STRN3: variants seen among roughly 807,000 people sequenced by gnomAD.
STRN3 encodes the protein striatin-3.
A neutral mutation model predicts 95.6 loss-of-function variants in STRN3; 29 were observed. The ratio of observed to expected loss-of-function variants is 0.30; its 90% CI spans 0.23 to 0.41. STRN3 has a LOEUF of 0.41. Among genes scored for constraint, STRN3 ranks in the 10% least tolerant of loss-of-function variants. STRN3 has a pLI of 1.00. For missense variants in STRN3, 890 were observed against 972.1 expected (o/e 0.92, Z 1.12); for synonymous variants, 331 against 357.6 (o/e 0.93, Z 0.84).
At chr14:30,898,594 A>ATGT (rs1896221157) in intron 16 of STRN3, among the ~76,000 whole-genome samples, 1 of 152,184 alleles carries the variant, frequency 6.6e-6, no homozygotes, top group South Asian at 2.1e-4. Flanking sequence ...ACCAAGTTGT[A>ATGT]TGTTGGGCTT....
In STRN3 at chr14:30,911,797, G is replaced by C. The variant is rs1312195739; in HGVS notation, c.1578C>G (p.Ile526Met). Reference sequence around the variant, plus strand: ...CTTACATGTGGGCCCTAAATGTGTAGATAGGCTCTACATCTAAAGAGGCAC... The same window carrying C: ...CTTACATGTGGGCCCTAAATGTGTACATAGGCTCTACATCTAAAGAGGCAC... ...KKSASLDVEPIYTFRAHIGPV... is the reference protein window; with the variant it reads ...KKSASLDVEPMYTFRAHIGPV... Residue 526 changes from isoleucine (I) to methionine (M), a missense_variant, in exon 12 of 18, where the codon ATC (isoleucine) becomes ATG (methionine). Around this residue, in one of 3 missense-constraint regions of STRN3, gnomAD observed 357 missense variants for 422.8 expected, o/e 0.84. Coordinates refer to ENST00000357479, the MANE Select transcript of STRN3 (RefSeq NM_001083893.2). The C allele has an allele frequency of 2.5e-6, 4 of 1,608,942 alleles. No homozygotes were observed. The highest frequency in any genetic ancestry group is 3.4e-6 in the Non-Finnish European group (4 of 1,178,458).
chr14:30,940,348 T>C (rs1879036507), intron 5 of STRN3, among the ~76,000 whole-genome samples: 1 of 152,148 alleles, frequency 6.6e-6, no homozygotes, highest in Non-Finnish European at 1.5e-5. Context: ...AATAGCTTCC[T>C]GAGAAAAAAT....
intron 1 of STRN3, among the ~76,000 whole-genome samples, chr14:30,993,909 CTT>C (rs976172041): frequency 2.0e-5 from 3 of 151,048 alleles, no homozygotes; most frequent in African/African-American, 7.3e-5. Context: ...GAATTTCACT[CTT>C]GTTGCCCAGG....
At chr14:31,003,187 A>C (rs1264815351) in intron 1 of STRN3, among the ~76,000 whole-genome samples, 1 of 150,786 alleles carries the variant, frequency 6.6e-6, no homozygotes, top group East Asian at 1.9e-4. Context: ...GCTTGAACCC[A>C]GGAGGCGGAG....
At chr14:30,950,752 A>G (rs1420899709) in intron 4 of STRN3, 111 bp downstream of exon 4, 10 of 1,014,146 alleles carry the variant, frequency 9.9e-6, no homozygotes, top group Non-Finnish European at 1.4e-5. Context: ...AAGCAGCAAT[A>G]CAAAAAACAT....
At chr14:30,898,466 A>G (rs148768181) in intron 16 of STRN3, among the ~76,000 whole-genome samples, 183 of 152,288 alleles carry the variant, frequency 1.2e-3, no homozygotes, top group African/African-American at 4.3e-3. Context: ...ACTAACCCTC[A>G]CCCTGATTAT....
At chr14:30,974,074 T>C (rs898789690) in intron 1 of STRN3, among the ~76,000 whole-genome samples, 1 of 152,214 alleles carries the variant, frequency 6.6e-6, no homozygotes, top group Non-Finnish European at 1.5e-5. Context: ...ACTTTCACAC[T>C]TCTATTCAAT....
chr14:30,922,347 T>C (rs1896906632), intron 8 of STRN3, among the ~76,000 whole-genome samples: 1 of 152,150 alleles, frequency 6.6e-6, no homozygotes, highest in Non-Finnish European at 1.5e-5. Flanking sequence ...TTTCTACTAC[T>C]ATGAATACAA....
intron 14 of STRN3, 46 bp downstream of exon 14, chr14:30,906,830 AT>A: frequency 1.3e-6 from 2 of 1,569,924 alleles, no homozygotes. Context: ...ATATATTCCA[AT>A]TTTTTAAAAA....
At chr14:31,011,024 G>A (rs1338717220) in intron 1 of STRN3, among the ~76,000 whole-genome samples, 1 of 152,188 alleles carries the variant, frequency 6.6e-6, no homozygotes, top group Non-Finnish European at 1.5e-5. Flanking sequence ...GGGTGACAGA[G>A]CAACACTCTG....
intron 7 of STRN3, among the ~76,000 whole-genome samples, chr14:30,932,882 G>A (rs556230520): frequency 6.6e-6 from 1 of 152,040 alleles, no homozygotes; most frequent in Non-Finnish European, 1.5e-5. Flanking sequence ...AAGTTATTTC[G>A]ATCATTTTCT....
intron 1 of STRN3, among the ~76,000 whole-genome samples, chr14:30,961,188 A>C (rs935708228): frequency 1.3e-5 from 2 of 152,338 alleles, no homozygotes; most frequent in Non-Finnish European, 2.9e-5. Context: ...ATGTTTTTTA[A>C]AGTACCATAA....
At chr14:30,982,562 G>A (rs1042897474) in intron 1 of STRN3, among the ~76,000 whole-genome samples, 9 of 152,138 alleles carry the variant, frequency 5.9e-5, no homozygotes, top group South Asian at 2.1e-4. Context: ...TGCCCGTCTC[G>A]GCATCCCGAA....
At chr14:30,963,936 A>T (rs1324841813) in intron 1 of STRN3, among the ~76,000 whole-genome samples, 1 of 152,224 alleles carries the variant, frequency 6.6e-6, no homozygotes, top group African/African-American at 2.4e-5. Context: ...GGGAATTTAT[A>T]GATATAAATG....
Position 30,936,538 on chromosome 14 carries a change from C to T in STRN3, c.803G>A (p.Gly268Asp), listed in dbSNP as rs1173212842. ...ATGTTTGTCTTTTCCTTCTGGGATG[C>T]CTTCGATCATGTCATTTTCCTCATC... ...DEDEENDMIE[G>D]IPEGKDKHRM... The change falls in exon 6 of 18, where the codon GGC (glycine) becomes GAC (aspartate). Residue 268 changes from glycine (G) to aspartate (D), a missense_variant. By Grantham distance (94) the Gly-to-Asp change is moderately conservative. Transcript: ENST00000357479. 6.2e-7 allele frequency: 1 copy of T among 1,613,780 alleles called. No individual in the cohort carries two copies. The highest frequency in any genetic ancestry group is 1.7e-5 in the Admixed American group (1 of 59,982).
intron 5 of STRN3, among the ~76,000 whole-genome samples, chr14:30,940,875 C>T (rs1879059891): frequency 6.6e-6 from 1 of 152,056 alleles, no homozygotes; most frequent in African/African-American, 2.4e-5. Context: ...TACATGGGTG[C>T]CATGGTCTGA....
intron 14 of STRN3, among the ~76,000 whole-genome samples, chr14:30,906,035 G>A (rs2138968465): frequency 6.6e-6 from 1 of 152,274 alleles, no homozygotes; most frequent in East Asian, 1.9e-4. Flanking sequence ...TTGGACTCTG[G>A]AATCAGCTGA....
At chr14:30,940,325 G>C (rs1566447208) in intron 5 of STRN3, among the ~76,000 whole-genome samples, 1 of 151,946 alleles carries the variant, frequency 6.6e-6, no homozygotes, top group Non-Finnish European at 1.5e-5. Flanking sequence ...TCAGAATTCT[G>C]AGAAACATCT....
chr14:30,919,362 G>GATATATAT (rs149599396), intron 8 of STRN3, among the ~76,000 whole-genome samples: 12 of 146,558 alleles, frequency 8.2e-5, no homozygotes, highest in East Asian at 4.0e-4. Flanking sequence ...TCTCTAAAGA[G>GATATATAT]ATATATATAT....
Sources: gnomAD v4.1 joint callset for allele counts (sites outside exome capture counted in the v4.1 genomes callset) on GRCh38, gnomAD v4.1.1 for gene constraint, gnomAD v4.1.1 regional missense constraint, MANE v1.5 for transcripts, NCBI Gene and HGNC (gene_info 2026-07-23, HGNC 2026-07-21) for gene names.